AGBL1: variants seen among roughly 807,000 people sequenced by gnomAD.
AGBL1 encodes the protein cytosolic carboxypeptidase 4.
AGBL1 carries 130 observed loss-of-function variants against 118.9 expected under a neutral mutation model. The observed-to-expected ratio is 1.09, with a 90% CI of 0.95 to 1.26. The LOEUF (loss-of-function observed/expected upper bound fraction) is 1.26, where lower values mean the gene tolerates loss of function less well. Among genes scored for constraint, AGBL1 ranks in the 50% most tolerant of loss-of-function variants. The probability of loss-of-function intolerance (pLI) is 0.00; values close to 1 mark genes in which losing one functional copy is unlikely to be tolerated. For synonymous variants in AGBL1, 555 were observed against 478.9 expected (o/e 1.16, Z -2.08); for missense variants, 1,584 against 1,298.1 (o/e 1.22, Z -3.38).
At chr15:86,418,542 T>G (rs1379315484) in intron 18 of AGBL1, among the ~76,000 whole-genome samples, 3 of 152,246 alleles carry the variant, frequency 2.0e-5, no homozygotes, top group Non-Finnish European at 4.4e-5. Context: ...CTCCAGAATT[T>G]TGCTGAAGAT....
Position 86,378,243 on chromosome 15 carries a change from C to G in AGBL1, c.2375-19123C>G, listed in dbSNP as rs1724878847. On this transcript the variant is annotated intron_variant, in intron 17 of 22. Transcript: ENST00000614907. Reference sequence around the variant, plus strand: ...GAGTTACCTTAATGTGCTGTCTGCCCCACTCAGGCAAACTTTAAAATAATA... The same window carrying G: ...GAGTTACCTTAATGTGCTGTCTGCCGCACTCAGGCAAACTTTAAAATAATA... Among the ~76,000 whole-genome samples the G allele has an allele frequency of 2.0e-5, 3 of 152,136 alleles. No homozygotes were observed. The South Asian group carries it at 6.2e-4, about 32-fold the overall frequency.
At chr15:86,295,724 G>A (rs2079625266) in intron 17 of AGBL1, 1 of 193,168 alleles carries the variant, frequency 5.2e-6, no homozygotes, top group African/African-American at 2.3e-5. Context: ...CTAATCCAGG[G>A]ACTTTTCTCA....
chr15:86,701,601 G>C (rs1434267758), intron 22 of AGBL1, among the ~76,000 whole-genome samples: 1 of 151,920 alleles, frequency 6.6e-6, no homozygotes, highest in East Asian at 1.9e-4. Context: ...CAGTTGAAGA[G>C]AACCAGATAG....
chr15:86,417,596 G>A (rs1265345834), intron 18 of AGBL1, among the ~76,000 whole-genome samples: 1 of 152,162 alleles, frequency 6.6e-6, no homozygotes, highest in East Asian at 1.9e-4. Flanking sequence ...ATGGCTGTTA[G>A]CCATACAGAT....
chr15:86,714,800 G>C (rs1567136526), intron 22 of AGBL1, among the ~76,000 whole-genome samples: 1 of 152,216 alleles, frequency 6.6e-6, no homozygotes. Context: ...AGGGTCCCCT[G>C]AAGGGAAACA....
intron 6 of AGBL1, among the ~76,000 whole-genome samples, chr15:86,245,940 G>A (rs2078712959): frequency 6.6e-6 from 1 of 151,584 alleles, no homozygotes; most frequent in Non-Finnish European, 1.5e-5. Context: ...GTCTCACTCT[G>A]TTGCTCAGGA....
At chr15:86,860,580 TTG>T (rs2079546730) in intron 22 of AGBL1, among the ~76,000 whole-genome samples, 1 of 152,088 alleles carries the variant, frequency 6.6e-6, no homozygotes, top group Non-Finnish European at 1.5e-5. Context: ...TCCAGACATG[TTG>T]GTACTACACG....
chr15:86,244,432 G>A (rs969475758), intron 6 of AGBL1, among the ~76,000 whole-genome samples: 13 of 152,142 alleles, frequency 8.5e-5, no homozygotes, highest in Non-Finnish European at 1.5e-4. Flanking sequence ...TTCTCAGTTT[G>A]ATGAATCTCC....
chr15:86,173,448 G>A (rs1378725922), intron 5 of AGBL1, among the ~76,000 whole-genome samples: 2 of 151,770 alleles, frequency 1.3e-5, no homozygotes, highest in African/African-American at 2.4e-5. Flanking sequence ...TTCGTTTAAT[G>A]TAGTCCCATT....
At chr15:86,669,971 T>G (rs1432853842) in intron 21 of AGBL1, among the ~76,000 whole-genome samples, 1 of 152,148 alleles carries the variant, frequency 6.6e-6, no homozygotes, top group East Asian at 1.9e-4. Flanking sequence ...TTTTTCATAT[T>G]CTAAATGGTT....
chr15:86,506,684 G>C (rs1316128247), intron 18 of AGBL1, among the ~76,000 whole-genome samples: 1 of 152,064 alleles, frequency 6.6e-6, no homozygotes, highest in Non-Finnish European at 1.5e-5. Context: ...ACCGATGACA[G>C]AGTGAAAGGA....
At chr15:86,343,134 T>C (rs2080486993) in intron 17 of AGBL1, among the ~76,000 whole-genome samples, 1 of 152,200 alleles carries the variant, frequency 6.6e-6, no homozygotes, top group Admixed American at 6.5e-5. Flanking sequence ...GTATCCCATA[T>C]CTATTCTCTA....
chr15:86,807,481 CT>C (rs200541772), intron 22 of AGBL1, among the ~76,000 whole-genome samples: 234 of 146,932 alleles, frequency 1.6e-3, no homozygotes, highest in Non-Finnish European at 1.1e-3. Flanking sequence ...CAGAAAAGAA[CT>C]TTTTTTTTTT....
intron 15 of AGBL1, 98 bp downstream of exon 15, chr15:86,271,804 G>A: frequency 8.5e-7 from 1 of 1,171,414 alleles, no homozygotes; most frequent in East Asian, 2.4e-5. Context: ...AGCAATCTGT[G>A]CTTGTCTGCT....
intron 17 of AGBL1, among the ~76,000 whole-genome samples, chr15:86,354,089 G>T (rs938325429): frequency 1.2e-4 from 18 of 152,216 alleles, no homozygotes; most frequent in African/African-American, 4.1e-4. Context: ...TGGCATGGCT[G>T]TCATGACTTC....
chr15:86,593,629 A>C (rs2142356921), intron 21 of AGBL1, among the ~76,000 whole-genome samples: 1 of 152,304 alleles, frequency 6.6e-6, no homozygotes, highest in South Asian at 2.1e-4. Context: ...TATATACAGT[A>C]AAATTCACCC....
intron 18 of AGBL1, among the ~76,000 whole-genome samples, chr15:86,473,295 G>C (rs1184040265): frequency 6.6e-6 from 1 of 152,098 alleles, no homozygotes; most frequent in Non-Finnish European, 1.5e-5. Context: ...CCCCCTCCCA[G>C]GGCCATTCTA....
intron 22 of AGBL1, among the ~76,000 whole-genome samples, chr15:86,821,801 T>G (rs976755008): frequency 1.3e-5 from 2 of 152,214 alleles, no homozygotes; most frequent in Non-Finnish European, 2.9e-5. Context: ...TTCACACACC[T>G]TTAAGGTGCT....
chr15:86,827,853 A>G (rs907547366), intron 22 of AGBL1, among the ~76,000 whole-genome samples: 1 of 147,984 alleles, frequency 6.8e-6, no homozygotes, highest in African/African-American at 2.5e-5. Context: ...CCATAAGATA[A>G]AAGATGGTAG....
Sources: gnomAD v4.1 joint callset for allele counts (sites outside exome capture counted in the v4.1 genomes callset) on GRCh38, gnomAD v4.1.1 for gene constraint, MANE v1.5 for transcripts, NCBI Gene and HGNC (gene_info 2026-07-23, HGNC 2026-07-21) for gene names.